The following PFAS variants were observed in gnomAD, a reference collection of about 807,000 sequenced individuals.
PFAS encodes the protein phosphoribosylformylglycinamidine synthase.
A neutral mutation model predicts 140.6 loss-of-function variants in PFAS; 97 were observed. The ratio of observed to expected loss-of-function variants is 0.69; its 90% confidence interval spans 0.59 to 0.82. The LOEUF is 0.82. Among genes scored for constraint, PFAS ranks in the 40% least tolerant of loss-of-function variants. The pLI is 0.00. For missense variants in PFAS, 1,656 were observed against 1,780.2 expected, an observed-to-expected ratio of 0.93 and a Z score of 1.26; for synonymous variants, 679 against 718.8, an observed-to-expected ratio of 0.94 and a Z score of 0.88.
intron 1 of PFAS, among the ~76,000 whole-genome samples, chr17:8,252,234 C>T (rs2151573742): frequency 6.6e-6 from 1 of 151,176 alleles, no homozygotes; most frequent in African/African-American, 2.4e-5. Flanking sequence ...GCAGAAGTTG[C>T]AGAGAGCCCA....
rs758450767 is a variant in PFAS, at chr17:8,266,225, T to C, written c.2702-9T>C. 1 of 1,613,706 alleles carries C rather than the reference T, an allele frequency of 6.2e-7. No homozygotes were observed. The highest frequency in any genetic ancestry group is 8.5e-7 in the Non-Finnish European group (1 of 1,179,804). On this transcript the variant is annotated splice_polypyrimidine_tract_variant and intron_variant, in intron 21 of 27. Transcript: ENST00000314666. The surrounding 1 kb of genome is among the most constrained non-coding windows in gnomAD (Gnocchi z 5.0). ...CCGAGGTTGCTGAGCTTTCTTCTCCTTCCTCCAGACCGCCTCCTCTGCTCA... is the reference window on the plus strand; with the variant it reads ...CCGAGGTTGCTGAGCTTTCTTCTCCCTCCTCCAGACCGCCTCCTCTGCTCA...
chr17:8,250,502 G>A (rs1989109019), intron 1 of PFAS, among the ~76,000 whole-genome samples: 1 of 152,178 alleles, frequency 6.6e-6, no homozygotes, highest in Non-Finnish European at 1.5e-5. Context: ...GATGACTTCT[G>A]TGTTTTTGTC....
intron 1 of PFAS, among the ~76,000 whole-genome samples, chr17:8,250,037 A>G (rs1325395876): frequency 6.6e-6 from 1 of 152,238 alleles, no homozygotes; most frequent in African/African-American, 2.4e-5. Flanking sequence ...AGCCTTTTCC[A>G]CGAAGGCGAA....
chr17:8,255,646 C>T lies in PFAS; in HGVS notation c.529C>T (p.Leu177=), dbSNP rs904439333. 1.9e-6 allele frequency: 3 copies of T among 1,582,954 alleles called. No individual in the cohort carries two copies. The highest frequency in any genetic ancestry group is 1.9e-5 in the Admixed American group (1 of 53,798). ...PEPLNGPINI[L]GEGRLALEKA... ...ACCCCTCAATGGCCCTATCAATATA[C>T]TGGGTGAGGGCCGGCTTGCGCTGGA... Residue 177 remains leucine, a synonymous_variant, in exon 5 of 28, where the codon CTG becomes TTG. Transcript: ENST00000314666.
At chr17:8,263,035 CG>C in intron 12 of PFAS, 42 bp downstream of exon 12, 1 of 1,609,148 alleles carries the variant, frequency 6.2e-7, no homozygotes, top group Non-Finnish European at 8.5e-7. Context: ...TTGATATAAC[CG>C]GGCCCCAGGC....
In PFAS at chr17:8,267,897, ATAT is replaced by A. The variant is rs1374907980; in HGVS notation, c.3382+237_3382+239del. ...AATTAAAATATATATTATTAAATAT[ATAT>A]TATTTATATATATTATTTATATATT... On this transcript the variant is annotated intron_variant, in intron 26 of 27. Transcript: ENST00000314666. The surrounding 1 kb of genome is among the most constrained non-coding windows in gnomAD (Gnocchi z 4.9). 9.5e-6 allele frequency among the ~76,000 whole-genome samples: 1 copy of A among 105,724 alleles called. No homozygotes were observed. The highest frequency in any genetic ancestry group is 2.5e-5 in the Non-Finnish European group (1 of 40,068). 69.4% of individuals were successfully genotyped at this position (105,724 alleles called of 152,430 possible).
At chr17:8,262,625 C>G (rs112362663) in intron 11 of PFAS, 1 of 317,020 alleles carries the variant, frequency 3.2e-6, no homozygotes, top group East Asian at 7.5e-5. Context: ...GAAACCCTGT[C>G]TCTACTGAAA....
Position 8,269,411 on chromosome 17 carries a change from G to T in PFAS, c.*147G>T. The T allele has an allele frequency of 1.6e-6, 1 of 611,036 alleles. No individual in the cohort carries two copies. Among genetic ancestry groups the T allele is most frequent in the Non-Finnish European group, 2.9e-6 (1 of 343,276 alleles). The allele number at this position is 611,036 out of a possible 1,614,324, so 37.9% of individuals were successfully genotyped here. A position where few individuals can be genotyped will look rare whatever the true frequency, so the allele number is the denominator to read the frequency against. On this transcript the variant is annotated 3_prime_UTR_variant, in exon 28 of 28. Coordinates refer to ENST00000314666, the MANE Select transcript of PFAS (RefSeq NM_012393.3). ...AAAATGCCAAAATCTCAGCGGACTC[G>T]ATAATCTGCCTGCTGATGTTCCTTC...
Position 8,265,596 on chromosome 17 carries a change from C to T in PFAS, c.2502C>T (p.Ile834=). 8.7e-6 allele frequency: 14 copies of T among 1,614,162 alleles called. No individual in the cohort carries two copies. Among genetic ancestry groups the T allele is most frequent in the Non-Finnish European group, 1.2e-5 (14 of 1,179,996 alleles). ...VISAYAVCPD[I]TATVTPDLKH... ...CAGCCTATGCCGTCTGCCCAGACATCACAGCCACTGTGACCCCAGACCTCA... is the reference window on the plus strand; with the variant it reads ...CAGCCTATGCCGTCTGCCCAGACATTACAGCCACTGTGACCCCAGACCTCA... The change falls in exon 20 of 28, where the codon ATC becomes ATT. Residue 834 remains isoleucine (I), a synonymous_variant. Transcript: ENST00000314666.
chr17:8,259,093 T>C (rs1160819253), intron 11 of PFAS, among the ~76,000 whole-genome samples: 2 of 142,364 alleles, frequency 1.4e-5, no homozygotes, highest in East Asian at 2.0e-4. Flanking sequence ...TTGCAGTGAG[T>C]GGAGATCGCA....
chr17:8,264,019 G>A (rs1989704256), intron 15 of PFAS, 83 bp downstream of exon 15: 1 of 1,537,396 alleles, frequency 6.5e-7, no homozygotes, highest in Non-Finnish European at 8.9e-7. Context: ...AGCTGTCAAG[G>A]GAGAGAGACG....
chr17:8,255,272 G>C, intron 4 of PFAS, 140 bp downstream of exon 4: 1 of 692,758 alleles, frequency 1.4e-6, no homozygotes. Context: ...CTGCCTGAAA[G>C]TACCTGGTTG....
intron 1 of PFAS, among the ~76,000 whole-genome samples, chr17:8,253,119 C>G (rs540080879): frequency 6.6e-6 from 1 of 152,318 alleles, no homozygotes; most frequent in Admixed American, 6.5e-5. Context: ...TACCATTTCT[C>G]TCAGGAAATT....
chr17:8,269,866 A>C lies in PFAS; in HGVS notation c.*602A>C, dbSNP rs1236331438. The C allele has an allele frequency of 2.0e-5, 3 of 151,022 alleles. No individual in the cohort carries two copies. The East Asian group carries it at 5.8e-4, about 29-fold the overall frequency. 9.4% of individuals were successfully genotyped at this position (151,022 alleles called of 1,614,324 possible). ...CCCAGCATTCCTGTTATTTGCTTCT[A>C]AATTAGCAGCTCTCTTTTTTTTTTT... On this transcript the variant is annotated 3_prime_UTR_variant, in exon 28 of 28. Coordinates refer to ENST00000314666, the MANE Select transcript of PFAS (RefSeq NM_012393.3).
chr17:8,268,567 T>C lies in PFAS; in HGVS notation c.3417T>C (p.Ala1139=). The change falls in exon 27 of 28, where the codon GCT becomes GCC. Residue 1139 remains alanine, a synonymous_variant. Transcript: ENST00000314666. ...CTGCTGTGACCTTTCATCCCAGGGC[T>C]GGGGCTGAGCTGAGGCGCTTCCGGA... ...WAAAVTFHPR[A]GAELRRFRKR... The C allele has an allele frequency of 6.2e-7, 1 of 1,612,318 alleles. No individual in the cohort carries two copies. Among genetic ancestry groups the C allele is most frequent in the Non-Finnish European group, 8.5e-7 (1 of 1,179,854 alleles).
At position 8,258,193 on chromosome 17, in the gene PFAS, G is replaced by A. The variant is rs758258598; in HGVS notation, c.1330G>A (p.Glu444Lys). 3.1e-6 allele frequency: 5 copies of A among 1,613,878 alleles called. No individual in the cohort carries two copies. The highest frequency in any genetic ancestry group is 2.7e-5 in the African/African-American group (2 of 74,922). The change falls in exon 11 of 28, where the codon GAG becomes AAG. Residue 444 changes from glutamate to lysine, a missense_variant. Physicochemically the swap from Glu to Lys is moderately conservative, Grantham distance 56. This residue lies in a region of PFAS where 773 missense variants were observed against 757.3 expected (regional missense o/e 1.02). Transcript: ENST00000314666. ...TGACCACATAAGCAAGGAGGCCCCA[G>A]AGCCAGGTAAGAGCCTGCCACCTTT... ...EADHISKEAP[E>K]PGMEVVKVGG...
Position 8,255,676 on chromosome 17 carries a change from G to A in PFAS, c.559G>A (p.Ala187Thr), listed in dbSNP as rs1989333291. ...LGEGRLALEK[A>T]NQELGLALDS... The stretch of plus-strand genomic sequence containing the variant: ...TGAGGGCCGGCTTGCGCTGGAGAAG[G>A]CCAACCAGGAGCTTGGTGAGTAGCT... The change falls in exon 5 of 28, where the codon GCC becomes ACC. Residue 187 changes from alanine (A) to threonine (T), a missense_variant. Coordinates refer to ENST00000314666, the MANE Select transcript of PFAS (RefSeq NM_012393.3). The A allele has an allele frequency of 6.3e-7, 1 of 1,583,662 alleles. No individual in the cohort carries two copies. The highest frequency in any genetic ancestry group is 1.8e-5 in the Admixed American group (1 of 54,804).
chr17:8,268,868 G>T lies in PFAS; in HGVS notation c.3706+12G>T. ...TGCGCACGGGGAAGGTCAGGCCCAA[G>T]GAAGGCTGGGGGAGGGCCCGAGGGT... On this transcript the variant is annotated intron_variant, in intron 27 of 27. Transcript: ENST00000314666. 1 of 1,610,966 alleles carries T rather than the reference G, an allele frequency of 6.2e-7. No individual in the cohort carries two copies. The highest frequency in any genetic ancestry group is 1.6e-4 in the Middle Eastern group (1 of 6,062).
chr17:8,267,082 C>A lies in PFAS; in HGVS notation c.3022C>A (p.Arg1008=). ...TCTGGAGGAGCCTGTTGGGGAGCTG[C>A]GAGCCCTCTGGGAGGAGACGAGTTT... is the stretch of plus-strand genomic sequence containing the variant. ...VVLEEPVGEL[R]ALWEETSFQL... The change falls in exon 24 of 28, where the codon CGA becomes AGA. Residue 1008 remains arginine, a synonymous_variant. Coordinates refer to ENST00000314666, the MANE Select transcript of PFAS (RefSeq NM_012393.3). The surrounding 1 kb of genome is among the most constrained non-coding windows in gnomAD (Gnocchi z 4.9). 6.2e-7 allele frequency: 1 copy of A among 1,613,930 alleles called. No homozygotes were observed. The highest frequency in any genetic ancestry group is 8.5e-7 in the Non-Finnish European group (1 of 1,179,988).
Sources: allele counts gnomAD v4.1 joint callset (sites outside exome capture counted in the v4.1 genomes callset), GRCh38; gene constraint gnomAD v4.1.1; regional missense constraint gnomAD v4.1.1; non-coding constraint Gnocchi (gnomAD v3.1); transcripts MANE v1.5; gene names NCBI Gene and HGNC (gene_info 2026-07-23, HGNC 2026-07-21).